The following PRIM2 variants were observed in gnomAD, a reference collection of about 807,000 sequenced individuals.
PRIM2 encodes DNA primase subunit 2.
A neutral mutation model predicts 67.3 loss-of-function variants in PRIM2; 39 were observed. The ratio of observed to expected loss-of-function variants is 0.58; its 90% CI spans 0.45 to 0.76. The LOEUF is 0.76. PRIM2 is among the 30% of genes least tolerant of loss of function. The probability of loss-of-function intolerance (pLI) is 0.00; values close to 1 mark genes in which losing one functional copy is unlikely to be tolerated. For missense variants in PRIM2, 398 were observed against 598.7 expected, an observed-to-expected ratio of 0.66 and a Z score of 3.50; for synonymous variants, 143 against 198.7, an observed-to-expected ratio of 0.72 and a Z score of 2.36.
intron 7 of PRIM2, among the ~76,000 whole-genome samples, chr6:57,452,471 C>T (rs1239542796): frequency 5.9e-5 from 9 of 152,316 alleles, no homozygotes; most frequent in Non-Finnish European, 1.0e-4. Context: ...TTAATGATCG[C>T]CATTCTAACT....
At chr6:57,367,885 TA>T (rs1769415802) in intron 5 of PRIM2, among the ~76,000 whole-genome samples, 1 of 152,174 alleles carries the variant, frequency 6.6e-6, no homozygotes. Flanking sequence ...CCTGTCAAAG[TA>T]GTCACAGGCC....
At chr6:57,596,913 A>G (rs1172612207) in intron 10 of PRIM2, among the ~76,000 whole-genome samples, 1 of 152,204 alleles carries the variant, frequency 6.6e-6, no homozygotes, top group Non-Finnish European at 1.5e-5. Context: ...TAAACTTACA[A>G]TGATTTGGCA....
chr6:57,352,777 G>T (rs1199465952), intron 5 of PRIM2, among the ~76,000 whole-genome samples: 1 of 151,600 alleles, frequency 6.6e-6, no homozygotes, highest in Admixed American at 6.6e-5. Context: ...AGTGTCATTT[G>T]GGGGAGCCAA....
the PRIM2 span, among the ~76,000 whole-genome samples, chr6:57,271,057 G>A: frequency 1.6e-3 from 238 of 152,188 alleles, 3 homozygotes; most frequent in African/African-American, 5.4e-3. Flanking sequence ...TTTTTGCATC[G>A]ATGTTCATCA....
At chr6:57,580,205 G>A (rs1415330624) in intron 10 of PRIM2, among the ~76,000 whole-genome samples, 21 of 152,044 alleles carry the variant, frequency 1.4e-4, no homozygotes, top group Non-Finnish European at 2.1e-4. Flanking sequence ...CCAGGAATTT[G>A]AGACCTGCCC....
chr6:57,564,862 G>T (rs1415190439), intron 10 of PRIM2, among the ~76,000 whole-genome samples: 1 of 152,184 alleles, frequency 6.6e-6, no homozygotes, highest in South Asian at 2.1e-4. Context: ...TGAACCATAT[G>T]GTTTCTGTTG....
At chr6:57,643,987 A>G (rs1777291304) in intron 13 of PRIM2, among the ~76,000 whole-genome samples, 3 of 152,302 alleles carry the variant, frequency 2.0e-5, no homozygotes, top group African/African-American at 7.2e-5. Flanking sequence ...GGTTCATTCT[A>G]GACCATGGCA....
chr6:57,508,833 T>C (rs1554347444), intron 8 of PRIM2, among the ~76,000 whole-genome samples: 1 of 152,200 alleles, frequency 6.6e-6, no homozygotes, highest in Non-Finnish European at 1.5e-5. Flanking sequence ...CCTGATCTTA[T>C]TTGCTTTTAC....
chr6:57,250,493 T>G, the PRIM2 span, among the ~76,000 whole-genome samples: 5 of 152,160 alleles, frequency 3.3e-5, no homozygotes, highest in Non-Finnish European at 7.4e-5. Flanking sequence ...TTATAATAAA[T>G]ACTGTGAAAG....
At chr6:57,443,098 G>C (rs1047147118) in intron 7 of PRIM2, among the ~76,000 whole-genome samples, 4 of 152,100 alleles carry the variant, frequency 2.6e-5, no homozygotes, top group Non-Finnish European at 5.9e-5. Context: ...TTGTAAGGCT[G>C]AATAGTACTC....
rs149436085 is a variant in PRIM2, at chr6:57,439,404, G to GTT, written c.693+57264_693+57265dup. ...CATGAGCTTTGAGTAGAGGTACTCT[G>GTT]TTTTTTTTTTTTTTTTTTTTTTTTT... is the stretch of plus-strand genomic sequence containing the variant. On this transcript the variant is annotated intron_variant, in intron 7 of 13. Coordinates refer to ENST00000615550, the MANE Select transcript of PRIM2 (RefSeq NM_000947.5). 4.9e-3 allele frequency among the ~76,000 whole-genome samples: 280 copies of GTT among 57,060 alleles called. 70 individuals are homozygous for GTT. The highest frequency in any genetic ancestry group is 0.025 in the South Asian group (21 of 832). The allele number at this position is 57,060 out of a possible 152,430, so 37.4% of individuals were successfully genotyped here.
At position 57,335,898 on chromosome 6, in the gene PRIM2, A is replaced by G. The variant is rs1272412724; in HGVS notation, c.459+9853A>G. Among the ~76,000 whole-genome samples, 5 of 152,346 alleles carry G rather than the reference A, an allele frequency of 3.3e-5. No individual in the cohort carries two copies. The East Asian group carries it at 9.6e-4, about 29-fold the overall frequency. On this transcript the variant is annotated intron_variant, in intron 5 of 13. Coordinates refer to ENST00000615550, the MANE Select transcript of PRIM2 (RefSeq NM_000947.5). ...AGCTGAGAGAAGAAGGCTTCAGATGATCAAATTACTCCGAGCTACGGGAGG... is the reference window on the plus strand; with the variant it reads ...AGCTGAGAGAAGAAGGCTTCAGATGGTCAAATTACTCCGAGCTACGGGAGG...
At position 57,392,638 on chromosome 6, in the gene PRIM2, G is replaced by A. The variant is rs9475909; in HGVS notation, c.693+10470G>A. ...CTAGAGAGGGAGAAGGAAAATATTC[G>A]TTTTTTTTTTGTGGATATCCAAATT... is the stretch of plus-strand genomic sequence containing the variant. On this transcript the variant is annotated intron_variant, in intron 7 of 13. Coordinates refer to ENST00000615550, the MANE Select transcript of PRIM2 (RefSeq NM_000947.5). 9.7e-3 allele frequency among the ~76,000 whole-genome samples: 1,402 copies of A among 144,786 alleles called. 31 individuals carry two copies. Among genetic ancestry groups the A allele is most frequent in the South Asian group, 0.076 (343 of 4,504 alleles). The allele number at this position is 144,786 out of a possible 152,430, so 95.0% of individuals were successfully genotyped here.
chr6:57,328,057 T>C lies in PRIM2; in HGVS notation c.459+2012T>C, dbSNP rs555492694. Among the ~76,000 whole-genome samples, 16 of 152,300 alleles carry C rather than the reference T, an allele frequency of 1.1e-4. 2 individuals are homozygous for C. Among genetic ancestry groups the C allele is most frequent in the Admixed American group, 8.5e-4 (13 of 15,292 alleles). ...ACAGGAAGTGGAGTTCAGGTGGTAA[T>C]GCTCGCTCACTGCTCACCTCCTGTG... On this transcript the variant is annotated intron_variant, in intron 5 of 13. Coordinates refer to ENST00000615550, the MANE Select transcript of PRIM2 (RefSeq NM_000947.5).
At chr6:57,318,392 C>T (rs990388135) in intron 1 of PRIM2, 45 bp from the exon 2 acceptor site, 4 of 1,499,932 alleles carry the variant, frequency 2.7e-6, no homozygotes, top group African/African-American at 1.4e-5. Context: ...TTTCCCCCAA[C>T]TTTGTTTTCC....
the PRIM2 span, among the ~76,000 whole-genome samples, chr6:57,235,520 A>T: frequency 6.6e-6 from 1 of 152,260 alleles, no homozygotes; most frequent in Non-Finnish European, 1.5e-5. Context: ...ATGAAATTCA[A>T]AGACACTTGT....
chr6:57,419,395 A>C (rs1310742053), intron 7 of PRIM2, among the ~76,000 whole-genome samples: 1 of 152,146 alleles, frequency 6.6e-6, no homozygotes, highest in African/African-American at 2.4e-5. Flanking sequence ...CAGTGACAAA[A>C]GTTTCTTGTT....
chr6:57,258,898 T>C, the PRIM2 span, among the ~76,000 whole-genome samples: 1 of 152,128 alleles, frequency 6.6e-6, no homozygotes. Context: ...GGGAAAGCAA[T>C]GGAGACTGAC....
chr6:57,477,335 A>G (rs1462014494), intron 7 of PRIM2, among the ~76,000 whole-genome samples: 4 of 152,154 alleles, frequency 2.6e-5, no homozygotes, highest in Middle Eastern at 3.2e-3. Flanking sequence ...TGAAAATGAT[A>G]AGTTATATAT....
Sources: allele counts gnomAD v4.1 joint callset (sites outside exome capture counted in the v4.1 genomes callset), GRCh38; gene constraint gnomAD v4.1.1; transcripts MANE v1.5; gene names NCBI Gene and HGNC (gene_info 2026-07-23, HGNC 2026-07-21).